CDH18: variants seen among roughly 807,000 people sequenced by gnomAD.
The protein encoded by CDH18 is cadherin 18.
CDH18 carries 31 observed loss-of-function variants against 67.9 expected under a neutral mutation model. The ratio of observed to expected loss-of-function variants is 0.46; its 90% confidence interval spans 0.34 to 0.62. The LOEUF (loss-of-function observed/expected upper bound fraction) is 0.62, where lower values mean the gene tolerates loss of function less well. CDH18 is among the 20% of genes least tolerant of loss of function. The pLI is 0.01. For synonymous variants in CDH18, 362 were observed against 347.2 expected (o/e 1.04, Z -0.48); for missense variants, 890 against 975.5 (o/e 0.91, Z 1.17).
At position 19,746,397 on chromosome 5, in the gene CDH18, A is replaced by G. The variant is rs575407951; in HGVS notation, c.523+545T>C. On this transcript the variant is annotated intron_variant, in intron 4 of 12. Coordinates refer to ENST00000382275, the MANE Select transcript of CDH18 (RefSeq NM_004934.5). The stretch of plus-strand genomic sequence containing the variant: ...GCACATCTTAAAAATGATATTCAAA[A>G]TACTTCACGGGGCTGTCATATATTT... Among the ~76,000 whole-genome samples the G allele has an allele frequency of 3.3e-5, 5 of 152,326 alleles. No individual in the cohort carries two copies. In the South Asian group the frequency reaches 1.0e-3, roughly 32 times the overall value.
rs1474841755 is a variant in CDH18 at position 19,472,268 on chromosome 5, G to A, written c.*958C>T. On this transcript the variant is annotated 3_prime_UTR_variant, in exon 13 of 13. Transcript: ENST00000382275. ...GCTCGTGTTGAAAATAAGTGAATTA[G>A]ACTGAAGTACAAACCAGCCAGCAAA... Among the ~76,000 whole-genome samples, 1 of 151,878 alleles carries A rather than the reference G, an allele frequency of 6.6e-6. No individual in the cohort carries two copies. Among genetic ancestry groups the A allele is most frequent in the Non-Finnish European group, 1.5e-5 (1 of 67,990 alleles).
chr5:20,372,824 G>T (rs1443550093), intron 1 of CDH18, among the ~76,000 whole-genome samples: 1 of 152,038 alleles, frequency 6.6e-6, no homozygotes, highest in Non-Finnish European at 1.5e-5. Flanking sequence ...CAAGTCATCA[G>T]TTTGGATATT....
At chr5:20,184,314 C>CT (rs1737926316) in intron 2 of CDH18, among the ~76,000 whole-genome samples, 1 of 152,036 alleles carries the variant, frequency 6.6e-6, no homozygotes, top group Non-Finnish European at 1.5e-5. Flanking sequence ...TATTCTTAAT[C>CT]TAAGAAATCT....
At chr5:19,715,991 T>C (rs59925754) in intron 5 of CDH18, among the ~76,000 whole-genome samples, 14,398 of 151,928 alleles carry the variant, frequency 0.095, 1,267 homozygotes, top group East Asian at 0.25. Flanking sequence ...CTAATTTTTG[T>C]ATTTTTCAGC....
chr5:20,333,796 G>T (rs1052666420), intron 1 of CDH18, among the ~76,000 whole-genome samples: 2 of 151,994 alleles, frequency 1.3e-5, no homozygotes, highest in African/African-American at 4.8e-5. Flanking sequence ...ATCTTTTCTA[G>T]CCCAGCAGCA....
intron 2 of CDH18, among the ~76,000 whole-genome samples, chr5:19,876,561 G>A (rs758695466): frequency 2.6e-5 from 4 of 152,040 alleles, no homozygotes. Flanking sequence ...TTTTGTTGTG[G>A]TTACCCTGTC....
In CDH18 at chr5:20,373,933, A is replaced by G. The variant is rs151259307; in HGVS notation, c.-579-118428T>C. Among the ~76,000 whole-genome samples, 94 of 152,296 alleles carry G rather than the reference A, an allele frequency of 6.2e-4. No individual in the cohort carries two copies. The Middle Eastern group carries it at 0.01, about 17-fold the overall frequency. On this transcript the variant is annotated intron_variant, in intron 1 of 14. Transcript: ENST00000507958. The stretch of plus-strand genomic sequence containing the variant: ...ATAAAATTCAGTTTAAACCAGATAA[A>G]GTACATGTATATAAGTGATTACTGA...
Position 20,156,942 on chromosome 5 carries a change from T to C in CDH18, c.-518+98502A>G, listed in dbSNP as rs80326927. Reference sequence around the variant, plus strand: ...TATAGTAGTCCCCCCTTATCCATGATGGATACATTTCAATACCTCCACCAG... The same window carrying C: ...TATAGTAGTCCCCCCTTATCCATGACGGATACATTTCAATACCTCCACCAG... On this transcript the variant is annotated intron_variant, in intron 2 of 14. Coordinates refer to the CDH18 transcript ENST00000507958. Among the ~76,000 whole-genome samples the C allele has an allele frequency of 3.9e-3, 598 of 152,318 alleles. 2 individuals are homozygous for C. The highest frequency in any genetic ancestry group is 6.1e-3 in the Non-Finnish European group (414 of 68,026).
chr5:19,540,317 C>T (rs1417445948), intron 9 of CDH18, among the ~76,000 whole-genome samples: 1 of 152,052 alleles, frequency 6.6e-6, no homozygotes, highest in Non-Finnish European at 1.5e-5. Context: ...GGTACAAGAC[C>T]CCTCCCAGTT....
Position 19,710,039 on chromosome 5 carries a change from G to A in CDH18, c.643+11308C>T, listed in dbSNP as rs566810891. On this transcript the variant is annotated intron_variant, in intron 5 of 12. Coordinates refer to ENST00000382275, the MANE Select transcript of CDH18 (RefSeq NM_004934.5). ...AATCCCAGCTACACAGGAGGCTGAG[G>A]CAGGAGAATTGTTTGAACCCAAGAG... Among the ~76,000 whole-genome samples the A allele has an allele frequency of 7.2e-5, 11 of 152,242 alleles. No individual in the cohort carries two copies. In the South Asian group the frequency reaches 2.3e-3, roughly 32 times the overall value.
intron 2 of CDH18, among the ~76,000 whole-genome samples, chr5:20,238,297 G>A (rs377634321): frequency 3.9e-5 from 6 of 152,048 alleles, no homozygotes; most frequent in South Asian, 2.1e-4. Flanking sequence ...CAAACAGCAC[G>A]TGATAAACTG....
chr5:19,520,968 A>G (rs1746808796), intron 9 of CDH18, among the ~76,000 whole-genome samples, 190 bp from the exon 10 acceptor site: 1 of 152,166 alleles, frequency 6.6e-6, no homozygotes, highest in Admixed American at 6.5e-5. Context: ...AAAAATGAAC[A>G]CCATGGCATG....
intron 6 of CDH18, among the ~76,000 whole-genome samples, chr5:19,594,428 G>A (rs1270281248): frequency 6.6e-6 from 1 of 152,124 alleles, no homozygotes; most frequent in Admixed American, 6.5e-5. Context: ...TGGGATTACA[G>A]GCATGAGCCA....
At chr5:19,783,152 C>T (rs571932279) in intron 3 of CDH18, among the ~76,000 whole-genome samples, 9 of 152,180 alleles carry the variant, frequency 5.9e-5, no homozygotes, top group African/African-American at 2.2e-4. Flanking sequence ...TTTGCTGGTC[C>T]ATGTGTCACA....
intron 4 of CDH18, among the ~76,000 whole-genome samples, chr5:19,743,292 C>T (rs990881845): frequency 2.0e-5 from 3 of 152,196 alleles, no homozygotes; most frequent in Non-Finnish European, 2.9e-5. Context: ...TGCTATAGAT[C>T]AGCAGATACC....
intron 1 of CDH18, among the ~76,000 whole-genome samples, chr5:20,438,780 C>A (rs551272018): frequency 6.6e-6 from 1 of 151,496 alleles, no homozygotes; most frequent in South Asian, 2.1e-4. Context: ...TGTTTTCTAT[C>A]CCAGTCTTTC....
chr5:20,132,445 G>A (rs191625386), intron 2 of CDH18, among the ~76,000 whole-genome samples: 1 of 151,950 alleles, frequency 6.6e-6, no homozygotes, highest in Admixed American at 6.6e-5. Context: ...CAATACAAAT[G>A]CACTACTATT....
At chr5:19,499,607 A>AT (rs1228584032) in intron 11 of CDH18, among the ~76,000 whole-genome samples, 1 of 151,864 alleles carries the variant, frequency 6.6e-6, no homozygotes, top group Admixed American at 6.6e-5. Flanking sequence ...TGTCTAACCA[A>AT]TTTTTTTATC....
intron 3 of CDH18, among the ~76,000 whole-genome samples, chr5:19,760,357 AAAGTG>A (rs752569104): frequency 2.2e-4 from 33 of 152,098 alleles, no homozygotes; most frequent in Non-Finnish European, 1.5e-4. Context: ...GAGTAGGTCT[AAAGTG>A]ACTAATCCAC....
Sources: allele counts gnomAD v4.1 joint callset (sites outside exome capture counted in the v4.1 genomes callset), GRCh38; gene constraint gnomAD v4.1.1; transcripts MANE v1.5; gene names NCBI Gene and HGNC (gene_info 2026-07-23, HGNC 2026-07-21).